The following ATE1 variants were observed in gnomAD, a reference collection of about 807,000 sequenced individuals.
ATE1 encodes the protein arginyl-tRNA--protein transferase 1.
Under a neutral mutation model 70.5 loss-of-function variants are expected in ATE1, and 36 were observed. The observed-to-expected ratio is 0.51, with a 90% CI of 0.39 to 0.67. The LOEUF (loss-of-function observed/expected upper bound fraction) is 0.67. ATE1 is among the 30% of genes least tolerant of loss of function. The pLI is 0.00. For synonymous variants in ATE1, 232 were observed against 219.3 expected, an observed-to-expected ratio of 1.06 and a Z score of -0.51; for missense variants, 593 against 629.5, an observed-to-expected ratio of 0.94 and a Z score of 0.62.
At chr10:121,773,976 T>TA (rs1465158409) in intron 11 of ATE1, among the ~76,000 whole-genome samples, 12 of 152,208 alleles carry the variant, frequency 7.9e-5, no homozygotes, top group Non-Finnish European at 1.3e-4. Flanking sequence ...CAAACTCTAG[T>TA]AACACCAGCA....
intron 5 of ATE1, among the ~76,000 whole-genome samples, chr10:121,908,435 T>C (rs1242342255): frequency 6.6e-6 from 1 of 151,956 alleles, no homozygotes; most frequent in Non-Finnish European, 1.5e-5. Context: ...AACCCGGAGG[T>C]GGAGTCTGCA....
At chr10:121,825,316 T>C (rs913028001) in intron 10 of ATE1, among the ~76,000 whole-genome samples, 4 of 152,224 alleles carry the variant, frequency 2.6e-5, no homozygotes, top group Non-Finnish European at 5.9e-5. Context: ...GTTACAAATA[T>C]GACACACAGA....
Position 121,922,336 on chromosome 10 carries a change from T to C in ATE1, c.233+13A>G. 1 of 1,547,166 alleles carries C rather than the reference T, an allele frequency of 6.5e-7. No homozygotes were observed. Among genetic ancestry groups the C allele is most frequent in the Non-Finnish European group, 8.9e-7 (1 of 1,125,710 alleles). ...ATACTATAAATCCTCTTTCTACTAA[T>C]TAAAATTCTTACCTTATTGTGTACT... On this transcript the variant is annotated intron_variant, in intron 3 of 11. Transcript: ENST00000224652.
intron 11 of ATE1, among the ~76,000 whole-genome samples, chr10:121,785,076 AC>A (rs1255928927): frequency 1.3e-5 from 2 of 152,192 alleles, no homozygotes; most frequent in Admixed American, 1.3e-4. Flanking sequence ...CCAGCTGGCT[AC>A]ATCCAAGCAC....
intron 5 of ATE1, among the ~76,000 whole-genome samples, chr10:121,909,553 T>A (rs1951338366): frequency 6.6e-6 from 1 of 152,204 alleles, no homozygotes. Context: ...AGAGTGGCTA[T>A]GACATGAGTC....
At chr10:121,871,097 T>C (rs1464496120) in intron 7 of ATE1, among the ~76,000 whole-genome samples, 2 of 152,302 alleles carry the variant, frequency 1.3e-5, no homozygotes, top group African/African-American at 4.8e-5. Flanking sequence ...AATTATATGA[T>C]GTCTGGGATT....
chr10:121,890,791 T>G (rs141704110), intron 7 of ATE1, among the ~76,000 whole-genome samples: 23 of 152,306 alleles, frequency 1.5e-4, no homozygotes, highest in African/African-American at 5.5e-4. Flanking sequence ...AAATAAAGAT[T>G]CTTAAAAGTT....
At chr10:121,832,232 C>G (rs1948267508) in intron 10 of ATE1, among the ~76,000 whole-genome samples, 1 of 152,114 alleles carries the variant, frequency 6.6e-6, no homozygotes, top group Non-Finnish European at 1.5e-5. Flanking sequence ...CACAAATGTA[C>G]CAATTTCTCC....
intron 10 of ATE1, among the ~76,000 whole-genome samples, chr10:121,801,216 G>A (rs941306175): frequency 6.6e-6 from 1 of 152,156 alleles, no homozygotes; most frequent in African/African-American, 2.4e-5. Flanking sequence ...CTGACAAACA[G>A]AAAGTGACGG....
intron 7 of ATE1, among the ~76,000 whole-genome samples, chr10:121,887,917 T>C (rs2134171059): frequency 6.6e-6 from 1 of 152,236 alleles, no homozygotes; most frequent in South Asian, 2.1e-4. Flanking sequence ...CAAATCACCA[T>C]TTTGCTACCT....
intron 10 of ATE1, among the ~76,000 whole-genome samples, chr10:121,799,328 G>A (rs1389318208): frequency 3.3e-5 from 5 of 152,148 alleles, no homozygotes; most frequent in Admixed American, 3.3e-4. Flanking sequence ...AGCTGTGGTA[G>A]AATGCACAGG....
intron 8 of ATE1, among the ~76,000 whole-genome samples, chr10:121,848,612 C>CA (rs148470774): frequency 0.54 from 63,237 of 117,154 alleles, 15,325 homozygotes; most frequent in Middle Eastern, 0.6. Context: ...GAGTGAAACT[C>CA]AAAAAAAAAA....
chr10:121,824,337 C>T (rs1239025070), intron 10 of ATE1, among the ~76,000 whole-genome samples: 8 of 152,122 alleles, frequency 5.3e-5, no homozygotes, highest in African/African-American at 1.9e-4. Flanking sequence ...TGCATCACCC[C>T]GGCCTGCAAG....
intron 7 of ATE1, among the ~76,000 whole-genome samples, chr10:121,888,267 G>A (rs1002931319): frequency 1.5e-4 from 23 of 152,054 alleles, no homozygotes; most frequent in African/African-American, 5.6e-4. Flanking sequence ...GGTGGCAGGC[G>A]CCTGGAGTCC....
In ATE1 at chr10:121,870,052, T is replaced by A. The variant is rs202185763; in HGVS notation, c.943-14A>T. On this transcript the variant is annotated splice_polypyrimidine_tract_variant and intron_variant, in intron 7 of 11. Transcript: ENST00000224652. ...GAATCTTGTGAACTGCAGTCAAATT[T>A]GAACAGAATCCATTTCATCCAGTAA... 1 of 1,608,824 alleles carries A rather than the reference T, an allele frequency of 6.2e-7. No individual in the cohort carries two copies. The highest frequency in any genetic ancestry group is 8.5e-7 in the Non-Finnish European group (1 of 1,176,264).
chr10:121,816,790 ATT>A lies in ATE1; in HGVS notation c.1257+19926_1257+19927del, dbSNP rs563330225. ...GATAAAAATATTTGTAAATCAAACT[ATT>A]TGTCTATAGCCATATGACCCTGAAC... On this transcript the variant is annotated intron_variant, in intron 10 of 11. Transcript: ENST00000224652. Among the ~76,000 whole-genome samples, 78 of 152,346 alleles carry A rather than the reference ATT, an allele frequency of 5.1e-4. 1 individual carries two copies. The South Asian group carries it at 0.016, about 32-fold the overall frequency.
intron 10 of ATE1, among the ~76,000 whole-genome samples, chr10:121,800,582 A>T (rs1177025024): frequency 2.6e-5 from 4 of 152,242 alleles, no homozygotes; most frequent in African/African-American, 9.6e-5. Context: ...AGTTCAAGTT[A>T]AATTAAAATG....
intron 11 of ATE1, among the ~76,000 whole-genome samples, chr10:121,762,707 A>G (rs1945102662): frequency 6.6e-6 from 1 of 152,228 alleles, no homozygotes; most frequent in Non-Finnish European, 1.5e-5. Flanking sequence ...GCCCTGAGCT[A>G]CGGGGATAGG....
At chr10:121,904,597 C>A (rs1440404331) in intron 5 of ATE1, among the ~76,000 whole-genome samples, 1 of 144,282 alleles carries the variant, frequency 6.9e-6, no homozygotes, top group African/African-American at 2.6e-5. Flanking sequence ...GCTGAGACTG[C>A]GCCACTGCAC....
Sources: allele counts gnomAD v4.1 joint callset (sites outside exome capture counted in the v4.1 genomes callset), GRCh38; gene constraint gnomAD v4.1.1; transcripts MANE v1.5; gene names NCBI Gene and HGNC (gene_info 2026-07-23, HGNC 2026-07-21).